The following FBXL5 variants were observed in gnomAD, a reference collection of about 807,000 sequenced individuals.
FBXL5 encodes the protein F-box and leucine rich repeat protein 5, also known as F-box/LRR-repeat protein 5.
FBXL5 carries 26 observed loss-of-function variants against 78.3 expected under a neutral mutation model. The ratio of observed to expected loss-of-function variants is 0.33; its 90% CI spans 0.24 to 0.46. FBXL5 has a LOEUF of 0.46. Ranked by LOEUF, FBXL5 falls within the 20% of genes least tolerant of loss-of-function variation. The pLI is 1.00. For synonymous variants in FBXL5, 295 were observed against 282.5 expected, an observed-to-expected ratio of 1.04 and a Z score of -0.45; for missense variants, 710 against 829.2, an observed-to-expected ratio of 0.86 and a Z score of 1.77.
rs746593982 is a variant in FBXL5 at position 15,625,253 on chromosome 4, T to A, written c.1849A>T (p.Arg617Trp). Reference sequence around the variant, plus strand: ...AATATTCTGGAACTGATAACTCACCTGAGACCATGGTCTGTGATCTGATAA... The same window carrying A: ...AATATTCTGGAACTGATAACTCACCAGAGACCATGGTCTGTGATCTGATAA... ...GCYQITDHGLRVLTLGGGLPY... is the reference protein window; with the variant it reads ...GCYQITDHGLWVLTLGGGLPY... Residue 617 changes from arginine to tryptophan, a missense_variant and splice_region_variant, in exon 9 of 11, where the codon AGG (arginine) becomes TGG (tryptophan). Around this residue, in one of 4 missense-constraint regions of FBXL5, gnomAD observed 58 missense variants for 112.3 expected, o/e 0.52. Coordinates refer to ENST00000341285, the MANE Select transcript of FBXL5 (RefSeq NM_012161.4). The A allele has an allele frequency of 6.9e-6, 11 of 1,602,480 alleles. No individual in the cohort carries two copies. Among genetic ancestry groups the A allele is most frequent in the Admixed American group, 5.1e-5 (3 of 58,336 alleles).
intron 1 of FBXL5, among the ~76,000 whole-genome samples, chr4:15,672,825 C>T (rs1407452706): frequency 1.3e-5 from 2 of 152,016 alleles, no homozygotes; most frequent in African/African-American, 4.8e-5. Context: ...CTTTTTGACT[C>T]TCTTGTAATA....
chr4:15,614,246 C>T (rs1711550852), intron 9 of FBXL5, among the ~76,000 whole-genome samples: 1 of 152,202 alleles, frequency 6.6e-6, no homozygotes, highest in African/African-American at 2.4e-5. Flanking sequence ...GGACTCCAGG[C>T]TGGTACTGGG....
intron 9 of FBXL5, among the ~76,000 whole-genome samples, chr4:15,617,519 G>T (rs1007053204): frequency 2.2e-5 from 3 of 139,518 alleles, no homozygotes; most frequent in Non-Finnish European, 1.5e-5. Context: ...CTGTACTCCA[G>T]CCCAACAGAG....
rs368221032 is a variant in FBXL5 at position 15,638,683 on chromosome 4, G to A, written c.408C>T (p.Pro136=). The A allele has an allele frequency of 2.5e-6, 4 of 1,593,024 alleles. No individual in the cohort carries two copies. The highest frequency in any genetic ancestry group is 2.2e-5 in the East Asian group (1 of 44,654). Residue 136 remains proline, a synonymous_variant, in exon 4 of 11, where the codon CCC becomes CCT. Transcript: ENST00000341285. ...HMKEEEEVFQ[P]MLMEYFTYEE... is the part of the protein sequence containing the mutation. ...CATAGGTAAAATATTCCATTAACAT[G>A]GGCTGAAAAACCTAAATTAAACAAA...
intron 9 of FBXL5, among the ~76,000 whole-genome samples, chr4:15,617,410 T>C (rs1577429344): frequency 6.6e-6 from 1 of 151,384 alleles, no homozygotes; most frequent in South Asian, 2.1e-4. Context: ...TAACCAGGTA[T>C]GGCGGCATGA....
At chr4:15,655,044 G>A (rs1393169821) in intron 1 of FBXL5, among the ~76,000 whole-genome samples, 160 bp downstream of exon 1, 1 of 150,904 alleles carries the variant, frequency 6.6e-6, no homozygotes, top group Non-Finnish European at 1.5e-5. Flanking sequence ...CGGGCGGGCA[G>A]GCTGCGGGAG....
At chr4:15,659,835 T>C, upstream of FBXL5, 2 of 592,872 alleles carry the variant, frequency 3.4e-6, no homozygotes, top group Non-Finnish European at 4.3e-6. Context: ...AATGGTTCCA[T>C]GTGTATGGCC....
chr4:15,647,272 AAAC>A (rs143202841), intron 1 of FBXL5, among the ~76,000 whole-genome samples: 1 of 141,010 alleles, frequency 7.1e-6, no homozygotes, highest in South Asian at 2.2e-4. Context: ...AAATAAAAAT[AAAC>A]AACAACAACA....
chr4:15,677,008 T>G (rs936879821), intron 1 of FBXL5, among the ~76,000 whole-genome samples: 2 of 152,188 alleles, frequency 1.3e-5, no homozygotes, highest in African/African-American at 4.8e-5. Context: ...AAAGCATACA[T>G]GCACTACAAC....
chr4:15,606,228 T>C (rs1358064484), intron 10 of FBXL5, among the ~76,000 whole-genome samples: 2 of 152,122 alleles, frequency 1.3e-5, no homozygotes, highest in Non-Finnish European at 2.9e-5. Context: ...TTACAATAAA[T>C]ATTATCTTCA....
chr4:15,673,127 T>C (rs1717833790), intron 1 of FBXL5, among the ~76,000 whole-genome samples: 1 of 152,008 alleles, frequency 6.6e-6, no homozygotes, highest in South Asian at 2.1e-4. Context: ...AAAATATACA[T>C]AGGTAGAAAA....
intron 4 of FBXL5, 149 bp downstream of exon 4, chr4:15,638,359 A>G: frequency 2.0e-6 from 1 of 489,498 alleles, no homozygotes; most frequent in Non-Finnish European, 3.5e-6. Context: ...ATCGTCTTCA[A>G]TTAAATTGAT....
chr4:15,636,272 T>C (rs1225047627), intron 5 of FBXL5: 1 of 394,090 alleles, frequency 2.5e-6, no homozygotes, highest in East Asian at 3.8e-5. Context: ...CCCACAAATA[T>C]ATTTTCCTAA....
At chr4:15,660,036 G>A (rs964147618), upstream of FBXL5, 2 of 151,916 alleles carry the variant, frequency 1.3e-5, no homozygotes, top group Non-Finnish European at 2.9e-5. Context: ...GGAAAAAAAA[G>A]TATTAGGAAA....
chr4:15,611,801 T>G (rs1722287625), intron 10 of FBXL5, among the ~76,000 whole-genome samples: 1 of 152,092 alleles, frequency 6.6e-6, no homozygotes, highest in Admixed American at 6.5e-5. Context: ...TGTCATCAGA[T>G]CCAGAAACTC....
chr4:15,678,880 G>T (rs745990025), intron 1 of FBXL5, among the ~76,000 whole-genome samples: 1 of 151,900 alleles, frequency 6.6e-6, no homozygotes, highest in Non-Finnish European at 1.5e-5. Flanking sequence ...TCTACTGTTG[G>T]TTCATATTTG....
chr4:15,655,377 G>C, upstream of FBXL5: 1 of 1,091,904 alleles, frequency 9.2e-7, no homozygotes, highest in Non-Finnish European at 1.1e-6. Context: ...GCGCCCCCTT[G>C]CGCATGCGCC....
At chr4:15,668,936 T>C (rs1410099996) in intron 1 of FBXL5, among the ~76,000 whole-genome samples, 1 of 152,230 alleles carries the variant, frequency 6.6e-6, no homozygotes, top group Non-Finnish European at 1.5e-5. Context: ...TTTTTACCAC[T>C]GCAGAACATT....
At chr4:15,647,113 C>T (rs1715441094) in intron 1 of FBXL5, among the ~76,000 whole-genome samples, 1 of 149,514 alleles carries the variant, frequency 6.7e-6, no homozygotes, top group South Asian at 2.1e-4. Flanking sequence ...GTCCCAGCTA[C>T]TCGGGAGGCT....
Sources: gnomAD v4.1 joint callset for allele counts (sites outside exome capture counted in the v4.1 genomes callset) on GRCh38, gnomAD v4.1.1 for gene constraint, gnomAD v4.1.1 regional missense constraint, MANE v1.5 for transcripts, NCBI Gene and HGNC (gene_info 2026-07-23, HGNC 2026-07-21) for gene names.